The following PDZRN3 variants were observed in gnomAD, a reference collection of about 807,000 sequenced individuals.
The protein encoded by PDZRN3 is PDZ domain containing ring finger 3.
A neutral mutation model predicts 85.7 loss-of-function variants in PDZRN3; 38 were observed. That is an observed-to-expected ratio of 0.44 (90% CI 0.34 to 0.58). The LOEUF is 0.58. Among genes scored for constraint, PDZRN3 ranks in the 20% least tolerant of loss-of-function variants. PDZRN3 has a pLI of 0.01. For synonymous variants in PDZRN3, 759 were observed against 638.0 expected, an observed-to-expected ratio of 1.19 and a Z score of -2.86; for missense variants, 1,629 against 1,506.4, an observed-to-expected ratio of 1.08 and a Z score of -1.35.
At chr3:73,467,556 T>G (rs1157871609) in intron 3 of PDZRN3, among the ~76,000 whole-genome samples, 2 of 152,166 alleles carry the variant, frequency 1.3e-5, no homozygotes, top group African/African-American at 2.4e-5. Flanking sequence ...GCAAGAGGGT[T>G]TGGCTTTATC....
At chr3:73,493,101 C>T (rs534779825) in intron 3 of PDZRN3, among the ~76,000 whole-genome samples, 85 of 149,688 alleles carry the variant, frequency 5.7e-4, no homozygotes, top group African/African-American at 1.8e-3. Context: ...CCCCCATCTC[C>T]TTGGTGTTCC....
chr3:73,572,814 T>C (rs1318240111), intron 3 of PDZRN3, among the ~76,000 whole-genome samples: 1 of 152,208 alleles, frequency 6.6e-6, no homozygotes, highest in African/African-American at 2.4e-5. Flanking sequence ...GATTCCCTCC[T>C]GCATTTGGGA....
chr3:73,395,035 G>C (rs571429455), intron 5 of PDZRN3, among the ~76,000 whole-genome samples: 3 of 152,330 alleles, frequency 2.0e-5, no homozygotes, highest in Admixed American at 6.5e-5. Context: ...TTGAATGAAT[G>C]AGCTTGAGAG....
At chr3:73,623,200 G>A (rs189774115) in intron 1 of PDZRN3, among the ~76,000 whole-genome samples, 1 of 152,128 alleles carries the variant, frequency 6.6e-6, no homozygotes, top group African/African-American at 2.4e-5. Flanking sequence ...GGCACAGTAC[G>A]AGGCCCTTCT....
intron 3 of PDZRN3, among the ~76,000 whole-genome samples, chr3:73,416,876 G>GTTTTTTTTTTTTTTTTTTTTTTTTGTT (rs1702095731): frequency 9.1e-6 from 1 of 110,396 alleles, no homozygotes; most frequent in Non-Finnish European, 1.8e-5. Context: ...TTTTTTTTTG[G>GTTTTTTTTTTTTTTTTTTTTTTTTGTT]TTTTTTTTTT....
chr3:73,499,265 G>A (rs1703928991), intron 3 of PDZRN3, among the ~76,000 whole-genome samples: 1 of 152,168 alleles, frequency 6.6e-6, no homozygotes, highest in South Asian at 2.1e-4. Flanking sequence ...CTGATCTCAT[G>A]GAGTTTTCAT....
intron 5 of PDZRN3, among the ~76,000 whole-genome samples, chr3:73,391,994 T>C (rs1701538547): frequency 6.6e-6 from 1 of 152,148 alleles, no homozygotes; most frequent in African/African-American, 2.4e-5. Flanking sequence ...TGAGATGGGG[T>C]CTTCGTGCCA....
At chr3:73,472,494 T>C (rs1007787836) in intron 3 of PDZRN3, among the ~76,000 whole-genome samples, 4 of 152,212 alleles carry the variant, frequency 2.6e-5, no homozygotes, top group African/African-American at 9.6e-5. Flanking sequence ...GACCTTTCTC[T>C]GGCCCTCAAC....
chr3:73,389,702 G>C, intron 7 of PDZRN3, 114 bp downstream of exon 7: 1 of 772,924 alleles, frequency 1.3e-6, no homozygotes, highest in East Asian at 2.5e-5. Flanking sequence ...ATCTGCGTTT[G>C]TGATCCCTGT....
At chr3:73,528,706 C>T (rs1307086969) in intron 3 of PDZRN3, among the ~76,000 whole-genome samples, 12 of 151,946 alleles carry the variant, frequency 7.9e-5, no homozygotes, top group African/African-American at 2.7e-4. Flanking sequence ...CAAAACGAAC[C>T]ATTTTTAAAG....
At chr3:73,433,300 C>G (rs1288647988) in intron 3 of PDZRN3, among the ~76,000 whole-genome samples, 2 of 152,012 alleles carry the variant, frequency 1.3e-5, no homozygotes, top group East Asian at 3.8e-4. Context: ...TCTTCTCTAA[C>G]TTGTTCAAAG....
At chr3:73,527,844 G>T (rs1042435278) in intron 3 of PDZRN3, among the ~76,000 whole-genome samples, 4 of 152,106 alleles carry the variant, frequency 2.6e-5, no homozygotes, top group African/African-American at 9.7e-5. Context: ...CACCCAGAAA[G>T]ACCACTTGAC....
At chr3:73,443,658 T>A (rs1218265620) in intron 3 of PDZRN3, among the ~76,000 whole-genome samples, 4 of 151,908 alleles carry the variant, frequency 2.6e-5, no homozygotes, top group Admixed American at 2.6e-4. Flanking sequence ...GCTATTTTTT[T>A]ATTTATTTTT....
intron 1 of PDZRN3, among the ~76,000 whole-genome samples, chr3:73,611,298 A>G (rs956525499): frequency 6.6e-6 from 1 of 152,228 alleles, no homozygotes; most frequent in African/African-American, 2.4e-5. Flanking sequence ...CCAATCTGAG[A>G]TGTGTGAAGA....
At chr3:73,495,621 T>C (rs1377062519) in intron 3 of PDZRN3, among the ~76,000 whole-genome samples, 1 of 152,226 alleles carries the variant, frequency 6.6e-6, no homozygotes, top group African/African-American at 2.4e-5. Flanking sequence ...TGATTGTCTT[T>C]TTCCCTATTA....
Position 73,383,130 on chromosome 3 carries a change from C to A in PDZRN3, c.*235G>T. 2.2e-6 allele frequency: 1 copy of A among 452,862 alleles called. No individual in the cohort carries two copies. The highest frequency in any genetic ancestry group is 2.0e-5 in the African/African-American group (1 of 50,578). 28.1% of individuals were successfully genotyped at this position (452,862 alleles called of 1,614,324 possible). A position where few individuals can be genotyped will look rare whatever the true frequency, so the allele number is the denominator to read the frequency against. On this transcript the variant is annotated 3_prime_UTR_variant, in exon 10 of 10. Coordinates refer to ENST00000263666, the MANE Select transcript of PDZRN3 (RefSeq NM_015009.3). ...GGGTACAGGTAGAAAAGTACAATTGCTATTTGAAAAAAGCTCTGTTTGTTA... is the reference window on the plus strand; with the variant it reads ...GGGTACAGGTAGAAAAGTACAATTGATATTTGAAAAAAGCTCTGTTTGTTA...
intron 3 of PDZRN3, among the ~76,000 whole-genome samples, chr3:73,511,291 A>C (rs1345735801): frequency 6.6e-6 from 1 of 152,100 alleles, no homozygotes; most frequent in East Asian, 1.9e-4. Context: ...CCAACCCAAA[A>C]ACAGAAAGGC....
chr3:73,537,606 CT>C (rs11289800), intron 3 of PDZRN3, among the ~76,000 whole-genome samples: 51,017 of 151,640 alleles, frequency 0.34, 8,763 homozygotes, highest in Middle Eastern at 0.36. Context: ...CTGTTATCTT[CT>C]TTTTTTTAAT....
chr3:73,423,943 G>A (rs1014075502), intron 3 of PDZRN3, among the ~76,000 whole-genome samples: 2 of 152,100 alleles, frequency 1.3e-5, no homozygotes, highest in African/African-American at 4.8e-5. Context: ...CAACCACAGA[G>A]GGAAACTGGC....
Sources: allele counts gnomAD v4.1 joint callset (sites outside exome capture counted in the v4.1 genomes callset), GRCh38; gene constraint gnomAD v4.1.1; transcripts MANE v1.5; gene names NCBI Gene and HGNC (gene_info 2026-07-23, HGNC 2026-07-21).